The following ERMP1 variants were observed in gnomAD, a reference collection of about 807,000 sequenced individuals.
ERMP1 encodes endoplasmic reticulum metallopeptidase 1, also known as Felix-ina.
ERMP1 carries 86 observed loss-of-function variants against 92.0 expected under a neutral mutation model. The observed-to-expected ratio is 0.93, with a 90% confidence interval of 0.79 to 1.12. The LOEUF is 1.12. ERMP1 is among the 50% of genes most tolerant of loss of function. The pLI is 0.00. For synonymous variants in ERMP1, 530 were observed against 412.8 expected (o/e 1.28, Z -3.44); for missense variants, 1,342 against 1,116.3 (o/e 1.20, Z -2.88).
At position 5,810,180 on chromosome 9, in the gene ERMP1, C is replaced by T; in HGVS notation, c.1379G>A (p.Ser460Asn). The change falls in exon 8 of 15, where the codon AGC becomes AAC. Residue 460 changes from serine to asparagine, a missense_variant. Transcript: ENST00000339450. ...FLCGLGITLI[S>N]WFTSLVTVLI... ...AACGGTAACAAGGCTAGTGAACCAG[C>T]TGATCAAAGTGATGCCAAGTCCACA... The T allele has an allele frequency of 1.9e-6, 3 of 1,614,064 alleles. No homozygotes were observed. Among genetic ancestry groups the T allele is most frequent in the Non-Finnish European group, 2.5e-6 (3 of 1,180,012 alleles).
intron 13 of ERMP1, chr9:5,791,229 C>T (rs1195990506): frequency 2.2e-6 from 1 of 456,786 alleles, no homozygotes; most frequent in Non-Finnish European, 4.4e-6. Context: ...AAGGAACTGG[C>T]TTACATGATT....
rs1322561708 is a variant in ERMP1 at position 5,811,327 on chromosome 9, T to C, written c.1115-4A>G. ...AGAACTGCTAAAATGTTGTCACCTATTAGTAAAAACAAAAAAAAAAAGAAA... is the reference window on the plus strand; with the variant it reads ...AGAACTGCTAAAATGTTGTCACCTACTAGTAAAAACAAAAAAAAAAAGAAA... On this transcript the variant is annotated splice_polypyrimidine_tract_variant and splice_region_variant and intron_variant, in intron 6 of 14. Transcript: ENST00000339450. The C allele has an allele frequency of 1.9e-6, 3 of 1,582,016 alleles. No homozygotes were observed. The highest frequency in any genetic ancestry group is 1.2e-5 in the South Asian group (1 of 84,440).
chr9:5,830,957 A>C lies in ERMP1; in HGVS notation c.410T>G (p.Val137Gly). 6.2e-7 allele frequency: 1 copy of C among 1,614,142 alleles called. No individual in the cohort carries two copies. Among genetic ancestry groups the C allele is most frequent in the Non-Finnish European group, 8.5e-7 (1 of 1,179,970 alleles). The change falls in exon 2 of 15, where the codon GTG becomes GGG. Residue 137 changes from valine (V) to glycine (G), a missense_variant. Val to Gly is a moderately radical substitution (Grantham distance 109, BLOSUM62 -3). Coordinates refer to ENST00000339450, the MANE Select transcript of ERMP1 (RefSeq NM_024896.3). Reference protein sequence around the residue: ...TGSPENEILTVHYLLEQIKLI... With the variant: ...TGSPENEILTGHYLLEQIKLI... ...TTTAATCTGTTCCAAAAGGTAGTGC[A>C]CGGTCAGAATTTCATTTTCTGGACT...
At chr9:5,801,359 T>C in intron 10 of ERMP1, 31 bp from the exon 11 acceptor site, 1 of 1,592,624 alleles carries the variant, frequency 6.3e-7, no homozygotes. Context: ...ACAGAAATAT[T>C]ACAAATTCAT....
intron 13 of ERMP1, among the ~76,000 whole-genome samples, chr9:5,789,680 G>C (rs971937641): frequency 4.6e-5 from 7 of 151,980 alleles, no homozygotes; most frequent in Admixed American, 4.6e-4. Flanking sequence ...TGTCACCTAG[G>C]GTCGAGTGCA....
Position 5,848,774 on chromosome 9 carries a change from C to A in ERMP1, n.3199+10694G>T, listed in dbSNP as rs958817710. Reference sequence around the variant, plus strand: ...CATAGGGACTGCAACATAGAGACTGCAAAGTTTATTTGTGCTGGAAATTAT... The same window carrying A: ...CATAGGGACTGCAACATAGAGACTGAAAAGTTTATTTGTGCTGGAAATTAT... On this transcript the variant is annotated intron_variant and non_coding_transcript_variant, in intron 6 of 6. Coordinates refer to the ERMP1 transcript ENST00000690753. Among the ~76,000 whole-genome samples the A allele has an allele frequency of 4.2e-4, 64 of 152,254 alleles. 1 individual carries two copies. The highest frequency in any genetic ancestry group is 1.5e-3 in the African/African-American group (62 of 41,558).
intron 6 of ERMP1, among the ~76,000 whole-genome samples, chr9:5,849,996 A>G (rs1359671329): frequency 6.6e-6 from 1 of 152,220 alleles, no homozygotes; most frequent in Admixed American, 6.5e-5. Context: ...GTGGCCTTGC[A>G]GTGTAGGCAC....
chr9:5,837,123 C>G (rs948823406), upstream of ERMP1, among the ~76,000 whole-genome samples: 1 of 152,138 alleles, frequency 6.6e-6, no homozygotes, highest in East Asian at 1.9e-4. Context: ...AAAAGCCTTT[C>G]TGAAACAAAT....
rs1458247075 is a variant in ERMP1, at chr9:5,811,177, T to C, written c.1261A>G (p.Asn421Asp). The change falls in exon 7 of 15, where the codon AAC (asparagine) becomes GAC (aspartate). Residue 421 changes from asparagine to aspartate, a missense_variant. Asn to Asp is a conservative substitution (Grantham distance 23). Transcript: ENST00000339450. ...AYPSRIGSII[N>D]YMVVMGVVLY... ...ACAACACCCATTACCACCATGTAGT[T>C]TATGATTGAGCCAATACGAGAGGGG... is the stretch of plus-strand genomic sequence containing the variant. The C allele has an allele frequency of 6.2e-7, 1 of 1,614,046 alleles. No homozygotes were observed. The highest frequency in any genetic ancestry group is 1.7e-5 in the Admixed American group (1 of 60,014).
intron 13 of ERMP1, among the ~76,000 whole-genome samples, chr9:5,791,049 G>C (rs955085210): frequency 6.6e-6 from 1 of 152,190 alleles, no homozygotes; most frequent in Non-Finnish European, 1.5e-5. Flanking sequence ...ACTCATGAAA[G>C]TCCCAGACAA....
In ERMP1 at chr9:5,841,054, T is replaced by G. The variant is rs188550681; in HGVS notation, n.3200-7742A>C. ...GTTACTGTTCTGCTCTCCCTACCCGTAGGAATGTAACATTCATACCCTTGC... is the reference window on the plus strand; with the variant it reads ...GTTACTGTTCTGCTCTCCCTACCCGGAGGAATGTAACATTCATACCCTTGC... On this transcript the variant is annotated intron_variant and non_coding_transcript_variant, in intron 6 of 6. Coordinates refer to the ERMP1 transcript ENST00000690753. Among the ~76,000 whole-genome samples, 5 of 152,354 alleles carry G rather than the reference T, an allele frequency of 3.3e-5. No homozygotes were observed. In the East Asian group the frequency reaches 9.6e-4, roughly 29 times the overall value.
intron 5 of ERMP1, among the ~76,000 whole-genome samples, chr9:5,862,227 C>T (rs1466159267): frequency 3.3e-5 from 5 of 150,584 alleles, no homozygotes; most frequent in Admixed American, 3.3e-4. Context: ...AGATGGGATC[C>T]CCCTATGTTG....
chr9:5,785,914 T>TG lies in ERMP1; in HGVS notation c.*1229dup, dbSNP rs1255838223. The TG allele has an allele frequency of 6.6e-6, 1 of 152,210 alleles. No individual in the cohort carries two copies. Among genetic ancestry groups the TG allele is most frequent in the African/African-American group, 2.4e-5 (1 of 41,450 alleles). The allele number at this position is 152,210 out of a possible 1,614,324, so 9.4% of individuals were successfully genotyped here. A position where few individuals can be genotyped will look rare whatever the true frequency, so the allele number is the denominator to read the frequency against. On this transcript the variant is annotated 3_prime_UTR_variant, in exon 15 of 15. Coordinates refer to ENST00000339450, the MANE Select transcript of ERMP1 (RefSeq NM_024896.3). The stretch of plus-strand genomic sequence containing the variant: ...TTGATCTCACCAATGCCCTCACTGC[T>TG]GGAACCAAAAAGCCATGAGAGGTAC...
chr9:5,805,185 A>G lies in ERMP1; in HGVS notation c.1756T>C (p.Leu586=). ...TAAAGATAAGGAATAAACATCCCCAAAAGGTAAAAAGCAATAAATTTTCCT... is the reference window on the plus strand; with the variant it reads ...TAAAGATAAGGAATAAACATCCCCAGAAGGTAAAAAGCAATAAATTTTCCT... The part of the protein sequence containing the change: ...AQGKFIAFYL[L]GMFIPYLYAL... The change falls in exon 10 of 15, where the codon TTG becomes CTG. Residue 586 remains leucine, a synonymous_variant. Coordinates refer to ENST00000339450, the MANE Select transcript of ERMP1 (RefSeq NM_024896.3). 1 of 1,610,058 alleles carries G rather than the reference A, an allele frequency of 6.2e-7. No homozygotes were observed. The highest frequency in any genetic ancestry group is 2.2e-5 in the East Asian group (1 of 44,846).
intron 5 of ERMP1, 138 bp from the exon 6 acceptor site, chr9:5,812,355 C>A (rs2296057): frequency 0.42 from 248,239 of 586,096 alleles, 56,917 homozygotes; most frequent in East Asian, 0.77. Context: ...TTACAAACGA[C>A]TGATATAAAT....
chr9:5,832,908 C>A lies in ERMP1; in HGVS notation c.120G>T (p.Val40=). The part of the protein sequence containing the change: ...EREARAQEPL[V]DGCSGGGRTR... ...TCCTCCCGCCGCCGCTGCACCCATCCACCAGAGGCTCCTGCGCTCGGGCCT... is the reference window on the plus strand; with the variant it reads ...TCCTCCCGCCGCCGCTGCACCCATCAACCAGAGGCTCCTGCGCTCGGGCCT... The change falls in exon 1 of 15, where the codon GTG becomes GTT. Residue 40 remains valine (V), a synonymous_variant. Transcript: ENST00000339450. 1 of 1,560,228 alleles carries A rather than the reference C, an allele frequency of 6.4e-7. No homozygotes were observed. Among genetic ancestry groups the A allele is most frequent in the Non-Finnish European group, 8.6e-7 (1 of 1,163,840 alleles).
intron 2 of ERMP1, among the ~76,000 whole-genome samples, chr9:5,830,480 T>G (rs757296555): frequency 2.0e-5 from 3 of 152,158 alleles, no homozygotes; most frequent in Admixed American, 6.5e-5. Context: ...ACCAGAAACA[T>G]TCCAAGTCTT....
intron 13 of ERMP1, among the ~76,000 whole-genome samples, chr9:5,794,972 C>G (rs1279075273): frequency 2.0e-5 from 3 of 152,160 alleles, no homozygotes; most frequent in Non-Finnish European, 4.4e-5. Context: ...CAGTATCTCT[C>G]ATGAACATAG....
At chr9:5,862,863 A>C (rs920497936) in intron 5 of ERMP1, among the ~76,000 whole-genome samples, 2 of 152,194 alleles carry the variant, frequency 1.3e-5, no homozygotes, top group African/African-American at 4.8e-5. Flanking sequence ...CCCAACCAAG[A>C]CTGTGTGACA....
Sources: gnomAD v4.1 joint callset for allele counts (sites outside exome capture counted in the v4.1 genomes callset) on GRCh38, gnomAD v4.1.1 for gene constraint, MANE v1.5 for transcripts, NCBI Gene and HGNC (gene_info 2026-07-23, HGNC 2026-07-21) for gene names.